Variants in NKAIN2 observed in about 807,000 individuals in gnomAD.
NKAIN2 encodes sodium/potassium transporting ATPase interacting 2.
Under a neutral mutation model 32.6 loss-of-function variants are expected in NKAIN2, and 14 were observed. That is an observed-to-expected ratio of 0.43 (90% CI 0.28 to 0.67). The LOEUF (loss-of-function observed/expected upper bound fraction) is 0.67, where lower values mean the gene tolerates loss of function less well. Among genes scored for constraint, NKAIN2 ranks in the 30% least tolerant of loss-of-function variants. The pLI, the probability that NKAIN2 is intolerant of heterozygous loss-of-function variation, is 0.17. For synonymous variants in NKAIN2, 80 were observed against 87.2 expected, an observed-to-expected ratio of 0.92 and a Z score of 0.46; for missense variants, 198 against 258.3, an observed-to-expected ratio of 0.77 and a Z score of 1.60.
At chr6:124,764,722 C>T (rs1387625424) in intron 4 of NKAIN2, among the ~76,000 whole-genome samples, 1 of 152,098 alleles carries the variant, frequency 6.6e-6, no homozygotes, top group Admixed American at 6.6e-5. Flanking sequence ...TACCTTTGAG[C>T]CTTCCTAGAT....
intron 3 of NKAIN2, among the ~76,000 whole-genome samples, chr6:124,406,237 A>T (rs778191770): frequency 6.6e-6 from 1 of 152,064 alleles, no homozygotes; most frequent in African/African-American, 2.4e-5. Context: ...TGTCCTCCCC[A>T]TACCACCTGA....
chr6:124,711,014 A>AGGG (rs1365469471), intron 4 of NKAIN2, among the ~76,000 whole-genome samples: 1 of 148,026 alleles, frequency 6.8e-6, no homozygotes, highest in Non-Finnish European at 1.5e-5. Context: ...GAGCTCTTTT[A>AGGG]GGGCAGGCCT....
Position 123,933,832 on chromosome 6 carries a change from A to C in NKAIN2, c.54+129578A>C, listed in dbSNP as rs182027621. Reference sequence around the variant, plus strand: ...ACTTATTTTGAGCTCCCTGGAATTCAGTGCTCACGGGTCATTTTGTACTCT... The same window carrying C: ...ACTTATTTTGAGCTCCCTGGAATTCCGTGCTCACGGGTCATTTTGTACTCT... On this transcript the variant is annotated intron_variant, in intron 1 of 6. Coordinates refer to ENST00000368417, the MANE Select transcript of NKAIN2 (RefSeq NM_001040214.3). 9.0e-3 allele frequency among the ~76,000 whole-genome samples: 1,376 copies of C among 152,338 alleles called. 12 individuals are homozygous for C. Among genetic ancestry groups the C allele is most frequent in the Middle Eastern group, 0.017 (5 of 294 alleles).
chr6:124,485,753 C>T (rs1777624684), intron 3 of NKAIN2, among the ~76,000 whole-genome samples: 1 of 152,052 alleles, frequency 6.6e-6, no homozygotes, highest in Non-Finnish European at 1.5e-5. Context: ...TCCTTACTGT[C>T]AAGTTACTCA....
At chr6:123,931,063 A>G (rs1221465396) in intron 1 of NKAIN2, among the ~76,000 whole-genome samples, 2 of 151,802 alleles carry the variant, frequency 1.3e-5, no homozygotes, top group South Asian at 4.2e-4. Context: ...AGTCAGTCAG[A>G]AGTCCTATTG....
chr6:124,146,897 G>C (rs1321819882), intron 1 of NKAIN2, among the ~76,000 whole-genome samples: 1 of 152,162 alleles, frequency 6.6e-6, no homozygotes, highest in African/African-American at 2.4e-5. Flanking sequence ...TCAGAGAAAA[G>C]AAAGTAATGC....
At chr6:124,013,441 A>G (rs969491686) in intron 1 of NKAIN2, among the ~76,000 whole-genome samples, 40 of 152,188 alleles carry the variant, frequency 2.6e-4, no homozygotes, top group Admixed American at 1.3e-4. Context: ...AAATTTACAT[A>G]GATAGGCATG....
chr6:124,445,154 G>A (rs1161815459), intron 3 of NKAIN2, among the ~76,000 whole-genome samples: 1 of 152,032 alleles, frequency 6.6e-6, no homozygotes, highest in African/African-American at 2.4e-5. Context: ...GCAACTCTAT[G>A]TAGAATGGTA....
chr6:124,130,555 A>C (rs1421886065), intron 1 of NKAIN2, among the ~76,000 whole-genome samples: 1 of 151,104 alleles, frequency 6.6e-6, no homozygotes, highest in African/African-American at 2.4e-5. Flanking sequence ...GATAGGAATT[A>C]TTTTAATGCA....
At chr6:124,237,790 G>A (rs1792857586) in intron 1 of NKAIN2, among the ~76,000 whole-genome samples, 1 of 152,124 alleles carries the variant, frequency 6.6e-6, no homozygotes. Flanking sequence ...GAGGCAAGAA[G>A]AGGATTCTTA....
At chr6:124,142,728 A>G (rs972587187) in intron 1 of NKAIN2, among the ~76,000 whole-genome samples, 10 of 152,362 alleles carry the variant, frequency 6.6e-5, no homozygotes, top group African/African-American at 2.4e-4. Context: ...AAAAATTAAT[A>G]GGTCATAAAT....
chr6:124,461,276 G>C (rs931716274), intron 3 of NKAIN2, among the ~76,000 whole-genome samples: 3 of 151,666 alleles, frequency 2.0e-5, no homozygotes, highest in African/African-American at 7.3e-5. Context: ...TTTCTCTTTA[G>C]TGTAGCTTAA....
intron 3 of NKAIN2, among the ~76,000 whole-genome samples, chr6:124,412,442 T>C (rs569843391): frequency 6.1e-4 from 93 of 152,316 alleles, no homozygotes; most frequent in South Asian, 1.2e-3. Context: ...AGGTCCACTC[T>C]AGACCCTGTT....
intron 1 of NKAIN2, among the ~76,000 whole-genome samples, chr6:124,105,310 G>A (rs1392795635): frequency 1.3e-5 from 2 of 151,846 alleles, no homozygotes; most frequent in Non-Finnish European, 2.9e-5. Context: ...TTGGAGATCT[G>A]CACGTCAGTG....
intron 4 of NKAIN2, among the ~76,000 whole-genome samples, chr6:124,735,746 T>G (rs773856675): frequency 7.2e-5 from 11 of 151,914 alleles, no homozygotes; most frequent in Non-Finnish European, 1.5e-4. Flanking sequence ...TCTTTGATGT[T>G]TTGGGGGTGC....
chr6:124,563,748 C>T (rs1780792820), intron 3 of NKAIN2, among the ~76,000 whole-genome samples: 1 of 152,188 alleles, frequency 6.6e-6, no homozygotes, highest in Admixed American at 6.5e-5. Context: ...ACTCCAACCT[C>T]TGCCTCCCAG....
chr6:124,373,343 G>A (rs1456862242), intron 3 of NKAIN2, among the ~76,000 whole-genome samples: 4 of 152,114 alleles, frequency 2.6e-5, no homozygotes, highest in African/African-American at 9.7e-5. Flanking sequence ...GTTTGGAAAT[G>A]AAAGTAGTAT....
At chr6:124,216,479 T>G (rs1216624804) in intron 1 of NKAIN2, among the ~76,000 whole-genome samples, 1 of 152,210 alleles carries the variant, frequency 6.6e-6, no homozygotes, top group Non-Finnish European at 1.5e-5. Context: ...TATGCCCAAC[T>G]GAGGTCAAGC....
intron 1 of NKAIN2, among the ~76,000 whole-genome samples, chr6:124,029,659 A>G (rs1393539496): frequency 2.6e-5 from 4 of 152,202 alleles, no homozygotes; most frequent in Non-Finnish European, 1.5e-5. Context: ...GCAGACCAGC[A>G]GGGATTCTTT....
Sources: allele counts gnomAD v4.1 joint callset (sites outside exome capture counted in the v4.1 genomes callset), GRCh38; gene constraint gnomAD v4.1.1; transcripts MANE v1.5; gene names NCBI Gene and HGNC (gene_info 2026-07-23, HGNC 2026-07-21).